TTC17: variants seen among roughly 807,000 people sequenced by gnomAD.
The protein encoded by TTC17 is tetratricopeptide repeat protein 17.
A neutral mutation model predicts 143.8 loss-of-function variants in TTC17; 58 were observed. The observed-to-expected ratio is 0.40, with a 90% confidence interval of 0.33 to 0.50. The LOEUF (loss-of-function observed/expected upper bound fraction) is 0.50, where lower values mean the gene tolerates loss of function less well. Among genes scored for constraint, TTC17 ranks in the 20% least tolerant of loss-of-function variants. TTC17 has a pLI of 0.49. For missense variants in TTC17, 1,273 were observed against 1,392.5 expected, an observed-to-expected ratio of 0.91 and a Z score of 1.37; for synonymous variants, 501 against 497.8, an observed-to-expected ratio of 1.01 and a Z score of -0.09.
chr11:43,372,689 C>T (rs1856615588), intron 1 of TTC17, among the ~76,000 whole-genome samples: 1 of 151,940 alleles, frequency 6.6e-6, no homozygotes, highest in Admixed American at 6.6e-5. Context: ...TGGGGTTTCA[C>T]CATGTTAGAC....
chr11:43,422,655 A>G (rs1022602118), intron 16 of TTC17, among the ~76,000 whole-genome samples: 17 of 152,324 alleles, frequency 1.1e-4, no homozygotes, highest in Middle Eastern at 6.8e-3. Context: ...GGGGTTATCA[A>G]GCATATCATT....
intron 1 of TTC17, 112 bp downstream of exon 1, chr11:43,359,225 A>C (rs973517926): frequency 7.5e-6 from 10 of 1,336,404 alleles, no homozygotes; most frequent in Non-Finnish European, 9.8e-6. Flanking sequence ...GCCTACCCTC[A>C]CAGGGAGGTG....
chr11:43,390,610 C>T (rs191838181), intron 3 of TTC17, among the ~76,000 whole-genome samples: 1,787 of 140,280 alleles, frequency 0.013, 15 homozygotes, highest in Middle Eastern at 0.03. Context: ...AGCAAGACTC[C>T]GTCTCAAAAA....
chr11:43,411,549 A>G (rs1858413566), intron 15 of TTC17, among the ~76,000 whole-genome samples: 1 of 151,480 alleles, frequency 6.6e-6, no homozygotes, highest in South Asian at 2.1e-4. Context: ...TACCTTTCTT[A>G]TTTTCTGCTG....
chr11:43,451,135 C>G, intron 20 of TTC17, 47 bp from the exon 21 acceptor site: 1 of 1,562,934 alleles, frequency 6.4e-7, no homozygotes. Flanking sequence ...TCATCTAGAT[C>G]CTGCATCGTT....
At chr11:43,392,016 T>C in intron 5 of TTC17, 64 bp downstream of exon 5, 2 of 1,516,894 alleles carry the variant, frequency 1.3e-6, no homozygotes, top group South Asian at 2.6e-5. Context: ...AAACAGAAGA[T>C]ATTTTTATCT....
rs1198954216 is a variant in TTC17 at position 43,437,729 on chromosome 11, C to CAAA, written c.2252-5595_2252-5593dup. On this transcript the variant is annotated intron_variant, in intron 16 of 23. Coordinates refer to ENST00000039989, the MANE Select transcript of TTC17 (RefSeq NM_018259.6). ...TAGATATAATTGCATCTTCAGGAGT[C>CAAA]AAAGTCTTTACAAACACATACACAT... 2.6e-5 allele frequency among the ~76,000 whole-genome samples: 4 copies of CAAA among 152,264 alleles called. No homozygotes were observed. The East Asian group carries it at 5.8e-4, about 22-fold the overall frequency.
chr11:43,395,256 A>G (rs1726203138), intron 5 of TTC17: 1 of 151,852 alleles, frequency 6.6e-6, no homozygotes, highest in Non-Finnish European at 1.5e-5. Context: ...GCCCGCCACC[A>G]CGCCCGGCAA....
intron 1 of TTC17, among the ~76,000 whole-genome samples, chr11:43,374,900 G>A (rs954667667): frequency 2.6e-5 from 4 of 152,116 alleles, no homozygotes; most frequent in Admixed American, 2.6e-4. Context: ...TTCCTGTACT[G>A]ATTATATACC....
chr11:43,374,402 A>G (rs1220100012), intron 1 of TTC17, among the ~76,000 whole-genome samples: 1 of 152,210 alleles, frequency 6.6e-6, no homozygotes, highest in Non-Finnish European at 1.5e-5. Flanking sequence ...AGCAATTGCA[A>G]CAAACCAGAA....
chr11:43,359,202 G>A, intron 1 of TTC17, 89 bp downstream of exon 1: 1 of 1,420,100 alleles, frequency 7.0e-7, no homozygotes, highest in South Asian at 1.5e-5. Flanking sequence ...GGCTCCGCGC[G>A]GCCCCGCCCC....
intron 16 of TTC17, among the ~76,000 whole-genome samples, chr11:43,422,503 G>C (rs911928021): frequency 2.6e-5 from 4 of 152,056 alleles, no homozygotes; most frequent in African/African-American, 4.8e-5. Flanking sequence ...AAAGGAAAAT[G>C]GGTCAAAAAT....
At chr11:43,460,745 C>G (rs1947849928) in intron 21 of TTC17, among the ~76,000 whole-genome samples, 2 of 152,318 alleles carry the variant, frequency 1.3e-5, no homozygotes, top group Admixed American at 1.3e-4. Context: ...TGGCTTTACT[C>G]AAATGTCTGG....
At chr11:43,446,706 AGCGCT>A in intron 18 of TTC17, 2 of 982,530 alleles carry the variant, frequency 2.0e-6, no homozygotes, top group Non-Finnish European at 2.4e-6. Flanking sequence ...TAATATAAAA[AGCGCT>A]ATACAGAACT....
intron 2 of TTC17, among the ~76,000 whole-genome samples, chr11:43,388,166 T>A (rs549048257): frequency 9.3e-4 from 139 of 150,222 alleles, no homozygotes; most frequent in African/African-American, 3.2e-3. Context: ...AAAGTTTTTC[T>A]TAAAGAAGCA....
intron 16 of TTC17, among the ~76,000 whole-genome samples, chr11:43,436,009 C>T (rs986583930): frequency 6.6e-6 from 1 of 152,182 alleles, no homozygotes; most frequent in African/African-American, 2.4e-5. Context: ...AATGATCTGG[C>T]TTTGGGTGCT....
intron 16 of TTC17, among the ~76,000 whole-genome samples, chr11:43,416,906 C>G (rs17509130): frequency 0.083 from 12,672 of 152,054 alleles, 883 homozygotes; most frequent in Admixed American, 0.23. Context: ...CATAGTTTAC[C>G]TAAAAACAGC....
chr11:43,394,136 A>G (rs1381936861), intron 5 of TTC17, among the ~76,000 whole-genome samples: 1 of 152,246 alleles, frequency 6.6e-6, no homozygotes. Flanking sequence ...TTGAGGAGAC[A>G]TAGACTTTCA....
chr11:43,461,581 A>G (rs1434618849), intron 21 of TTC17, among the ~76,000 whole-genome samples: 3 of 152,188 alleles, frequency 2.0e-5, no homozygotes, highest in African/African-American at 4.8e-5. Flanking sequence ...GCACTGAAAA[A>G]GTAAAGGAAG....
Sources: gnomAD v4.1 joint callset for allele counts (sites outside exome capture counted in the v4.1 genomes callset) on GRCh38, gnomAD v4.1.1 for gene constraint, MANE v1.5 for transcripts, NCBI Gene and HGNC (gene_info 2026-07-23, HGNC 2026-07-21) for gene names.